SYNJ2: variants seen among roughly 807,000 people sequenced by gnomAD.
The protein encoded by SYNJ2 is polyphosphatidylinositol phosphatase SYNJ2.
SYNJ2 carries 116 observed loss-of-function variants against 141.3 expected under a neutral mutation model. That is an observed-to-expected ratio of 0.82 (90% CI 0.71 to 0.96). The LOEUF (loss-of-function observed/expected upper bound fraction) is 0.96. Ranked by LOEUF, SYNJ2 falls within the 40% of genes least tolerant of loss-of-function variation. The pLI is 0.00. For synonymous variants in SYNJ2, 745 were observed against 777.7 expected (o/e 0.96, Z 0.70); for missense variants, 1,873 against 1,934.8 (o/e 0.97, Z 0.60).
At chr6:158,041,491 C>T (rs1002208824) in intron 4 of SYNJ2, among the ~76,000 whole-genome samples, 12 of 152,140 alleles carry the variant, frequency 7.9e-5, no homozygotes, top group Non-Finnish European at 1.6e-4. Flanking sequence ...CTGTGGAGGA[C>T]GGGGTGGAGA....
chr6:158,046,988 C>T (rs1370183223), intron 5 of SYNJ2, among the ~76,000 whole-genome samples: 4 of 152,048 alleles, frequency 2.6e-5, no homozygotes, highest in Non-Finnish European at 4.4e-5. Context: ...AGGAGGATGC[C>T]GAGTAGAGCA....
intron 18 of SYNJ2, chr6:158,078,764 G>C (rs1252865257): frequency 7.1e-6 from 1 of 140,092 alleles, no homozygotes; most frequent in Non-Finnish European, 1.5e-5. Context: ...ACACCATAGG[G>C]TTTTTAAATC....
chr6:158,050,132 C>T (rs544556792), intron 5 of SYNJ2, among the ~76,000 whole-genome samples: 28 of 152,368 alleles, frequency 1.8e-4, no homozygotes, highest in African/African-American at 6.7e-4. Flanking sequence ...CCTTCTACCC[C>T]TTCATGGGCA....
Position 158,043,662 on chromosome 6 carries a change from A to G in SYNJ2, c.795+263A>G, listed in dbSNP as rs1232525368. On this transcript the variant is annotated intron_variant, in intron 5 of 26. Transcript: ENST00000355585. This position sits in a 1 kb window ranked among gnomAD's most constrained non-coding sequence, Gnocchi z 4.0. ...GCTGTGTGAAACCGCTGACTCGGGA[A>G]CGGTGCTGCGGTGCCTGCTGAGTGG... 6.6e-6 allele frequency among the ~76,000 whole-genome samples: 1 copy of G among 152,164 alleles called. No homozygotes were observed. Among genetic ancestry groups the G allele is most frequent in the Middle Eastern group, 3.2e-3 (1 of 316 alleles).
intron 6 of SYNJ2, among the ~76,000 whole-genome samples, chr6:158,056,694 T>C (rs1780888939): frequency 6.6e-6 from 1 of 152,216 alleles, no homozygotes; most frequent in Non-Finnish European, 1.5e-5. Context: ...CCTGGGTGCT[T>C]CCCAATTCTC....
Position 158,083,526 on chromosome 6 carries a change from T to G in SYNJ2, c.2963T>G (p.Val988Gly), listed in dbSNP as rs779341189. The G allele has an allele frequency of 3.7e-6, 6 of 1,614,170 alleles. No individual in the cohort carries two copies. In the South Asian group the frequency reaches 5.5e-5, roughly 15 times the overall value. The part of the protein sequence containing the change: ...IIRKRDSMAP[V>G]SPTANSCLLE... ...CGGAAACGAGACAGCATGGCCCCCGTGTCTCCCACTGCCAACTCCTGTTTG... is the reference window on the plus strand; with the variant it reads ...CGGAAACGAGACAGCATGGCCCCCGGGTCTCCCACTGCCAACTCCTGTTTG... Residue 988 changes from valine to glycine, a missense_variant, in exon 21 of 27, where the codon GTG (valine) becomes GGG (glycine). By Grantham distance (109) the Val-to-Gly change is moderately radical. Transcript: ENST00000355585.
At chr6:157,990,181 C>A (rs1777367844) in intron 1 of SYNJ2, among the ~76,000 whole-genome samples, 1 of 151,866 alleles carries the variant, frequency 6.6e-6, no homozygotes, top group Admixed American at 6.6e-5. Flanking sequence ...TGCTTGTGCC[C>A]CAGGCCCAGG....
Position 158,097,434 on chromosome 6 carries a change from A to C in SYNJ2, c.*1070A>C, listed in dbSNP as rs1298549685. 6.6e-6 allele frequency: 1 copy of C among 152,234 alleles called. No individual in the cohort carries two copies. The highest frequency in any genetic ancestry group is 1.5e-5 in the Non-Finnish European group (1 of 68,046). 9.4% of individuals were successfully genotyped at this position (152,234 alleles called of 1,614,324 possible). The stretch of plus-strand genomic sequence containing the variant: ...GCACTTCTCACCTATTCAATAACTG[A>C]AAAAGACATTACCATAGTGCTTTAC... On this transcript the variant is annotated 3_prime_UTR_variant, in exon 27 of 27. Coordinates refer to ENST00000355585, the MANE Select transcript of SYNJ2 (RefSeq NM_003898.4).
Position 157,982,632 on chromosome 6 carries a change from T to C in SYNJ2, c.127+544T>C, listed in dbSNP as rs1169847404. Among the ~76,000 whole-genome samples, 2 of 152,230 alleles carry C rather than the reference T, an allele frequency of 1.3e-5. No individual in the cohort carries two copies. The highest frequency in any genetic ancestry group is 2.1e-4 in the South Asian group (1 of 4,832). On this transcript the variant is annotated intron_variant, in intron 1 of 26. Coordinates refer to ENST00000355585, the MANE Select transcript of SYNJ2 (RefSeq NM_003898.4). The surrounding 1 kb of genome is among the most constrained non-coding windows in gnomAD (Gnocchi z 4.0). ...ATAGAACTTGTAAACAAATATACCA[T>C]GACCTTTATGCTGTCTTAGATCCTG...
At chr6:158,094,219 C>T (rs1227909428) in intron 26 of SYNJ2, 25 of 466,632 alleles carry the variant, frequency 5.4e-5, no homozygotes, top group Admixed American at 7.5e-5. Context: ...CTTTTTCCTC[C>T]GCCTCTTCCC....
chr6:157,989,376 G>T (rs991059671), intron 1 of SYNJ2, among the ~76,000 whole-genome samples: 1 of 145,932 alleles, frequency 6.9e-6, no homozygotes, highest in African/African-American at 2.5e-5. Context: ...CCAGTGGAAG[G>T]CTCCAGAGAA....
chr6:158,018,085 T>A (rs1389728778), intron 2 of SYNJ2, among the ~76,000 whole-genome samples: 1 of 152,006 alleles, frequency 6.6e-6, no homozygotes, highest in Non-Finnish European at 1.5e-5. Flanking sequence ...TCAGTCAGTG[T>A]GGGGTGGGAG....
intron 9 of SYNJ2, among the ~76,000 whole-genome samples, 173 bp downstream of exon 9, chr6:158,064,045 C>T (rs1273221538): frequency 2.0e-5 from 3 of 152,174 alleles, no homozygotes; most frequent in Non-Finnish European, 4.4e-5. Context: ...AGGGGTTCCC[C>T]AGGAGGCTGC....
intron 1 of SYNJ2, among the ~76,000 whole-genome samples, chr6:158,015,904 T>C (rs1443171858): frequency 6.6e-6 from 1 of 152,192 alleles, no homozygotes; most frequent in Non-Finnish European, 1.5e-5. Context: ...AGTGTACAAC[T>C]CCATGTTTCT....
rs144063274 is a variant in SYNJ2, at chr6:158,023,501, C to T, written c.215-5255C>T. Among the ~76,000 whole-genome samples, 171 of 152,212 alleles carry T rather than the reference C, an allele frequency of 1.1e-3. 1 individual carries two copies. The highest frequency in any genetic ancestry group is 3.9e-3 in the African/African-American group (163 of 41,520). On this transcript the variant is annotated intron_variant, in intron 2 of 26. Transcript: ENST00000355585. ...CCACAGAGGCCTCTGTGGTTACACC[C>T]GTCCCACCAACTGTCTGGGACACAC... is the stretch of plus-strand genomic sequence containing the variant.
At position 158,081,237 on chromosome 6, in the gene SYNJ2, C is replaced by T. The variant is rs199914000; in HGVS notation, c.2696C>T (p.Pro899Leu). Reference sequence around the variant, plus strand: ...ACTGTTGTAGTAAACCTTCAATCACCGACCTTAGAAGAGAAAAACGAGTTT... The same window carrying T: ...ACTGTTGTAGTAAACCTTCAATCACTGACCTTAGAAGAGAAAAACGAGTTT... The part of the protein sequence containing the change: ...DATVVVNLQS[P>L]TLEEKNEFPE... Residue 899 changes from proline to leucine, a missense_variant, in exon 19 of 27, where the codon CCG becomes CTG. Pro to Leu is a moderately conservative substitution (Grantham distance 98, BLOSUM62 -3). Coordinates refer to ENST00000355585, the MANE Select transcript of SYNJ2 (RefSeq NM_003898.4). 43 of 1,614,118 alleles carry T rather than the reference C, an allele frequency of 2.7e-5. No homozygotes were observed. Among genetic ancestry groups the T allele is most frequent in the African/African-American group, 2.1e-4 (16 of 75,022 alleles).
chr6:158,093,212 G>A, intron 26 of SYNJ2, 108 bp downstream of exon 26: 3 of 1,251,818 alleles, frequency 2.4e-6, no homozygotes, highest in Non-Finnish European at 3.3e-6. Context: ...GAGGCAAGCG[G>A]ATTACGAGGT....
chr6:158,043,411 A>G lies in SYNJ2; in HGVS notation c.795+12A>G. ...AGCCAGGGCTTCAGGTAGGTCATGA[A>G]AAAACTTAAATGTCCCCTTGTGATG... On this transcript the variant is annotated intron_variant, in intron 5 of 26. Transcript: ENST00000355585. The surrounding 1 kb of genome is among the most constrained non-coding windows in gnomAD (Gnocchi z 4.0). 3 of 1,609,334 alleles carry G rather than the reference A, an allele frequency of 1.9e-6. No homozygotes were observed. The highest frequency in any genetic ancestry group is 2.6e-6 in the Non-Finnish European group (3 of 1,175,838).
At position 158,079,617 on chromosome 6, in the gene SYNJ2, C is replaced by T. The variant is rs144353225; in HGVS notation, c.2567+1336C>T. ...AACTCCTGGCCTCCAGTGATGTGCC[C>T]GCCTCAGCCTCCCAAAGTACTGGGA... On this transcript the variant is annotated intron_variant, in intron 18 of 26. Transcript: ENST00000355585. Among the ~76,000 whole-genome samples the T allele has an allele frequency of 3.3e-5, 5 of 152,080 alleles. No individual in the cohort carries two copies. In the East Asian group the frequency reaches 7.7e-4, roughly 24 times the overall value.
Sources: gnomAD v4.1 joint callset for allele counts (sites outside exome capture counted in the v4.1 genomes callset) on GRCh38, gnomAD v4.1.1 for gene constraint, Gnocchi (gnomAD v3.1) non-coding constraint, MANE v1.5 for transcripts, NCBI Gene and HGNC (gene_info 2026-07-23, HGNC 2026-07-21) for gene names.